ASCC3: variants seen among roughly 807,000 people sequenced by gnomAD.
ASCC3 encodes activating signal cointegrator 1 complex subunit 3, also known as ASC-1 complex subunit P200.
ASCC3 carries 158 observed loss-of-function variants against 256.3 expected under a neutral mutation model. That is an observed-to-expected ratio of 0.62 (90% confidence interval 0.54 to 0.70). The LOEUF (loss-of-function observed/expected upper bound fraction) is 0.70. Ranked by LOEUF, ASCC3 falls within the 30% of genes least tolerant of loss-of-function variation. ASCC3 has a pLI of 0.00. For synonymous variants in ASCC3, 948 were observed against 883.4 expected (o/e 1.07, Z -1.30); for missense variants, 2,259 against 2,626.0 (o/e 0.86, Z 3.05).
At chr6:100,610,565 T>C (rs1378497371) in intron 30 of ASCC3, among the ~76,000 whole-genome samples, 3 of 152,172 alleles carry the variant, frequency 2.0e-5, no homozygotes, top group African/African-American at 7.2e-5. Context: ...GGTGATATTT[T>C]AATGACATAC....
intron 10 of ASCC3, among the ~76,000 whole-genome samples, chr6:100,760,902 A>G (rs1781390791): frequency 6.6e-6 from 1 of 152,196 alleles, no homozygotes; most frequent in African/African-American, 2.4e-5. Context: ...AAAGGAGAAA[A>G]CATGACGGGT....
At chr6:100,574,478 G>T (rs1282095915) in intron 36 of ASCC3, among the ~76,000 whole-genome samples, 1 of 151,832 alleles carries the variant, frequency 6.6e-6, no homozygotes, top group South Asian at 2.1e-4. Flanking sequence ...GTGTCATCTT[G>T]GGCAAGGTTG....
At chr6:100,695,338 T>C (rs1234828619) in intron 13 of ASCC3, among the ~76,000 whole-genome samples, 7 of 152,090 alleles carry the variant, frequency 4.6e-5, no homozygotes, top group Admixed American at 3.9e-4. Flanking sequence ...ATAAAAGACA[T>C]TATTATTCCT....
At chr6:100,705,366 A>C (rs548827180) in intron 13 of ASCC3, among the ~76,000 whole-genome samples, 1 of 152,070 alleles carries the variant, frequency 6.6e-6, no homozygotes. Context: ...TTTTTGAACA[A>C]GAAATTTGTT....
intron 4 of ASCC3, among the ~76,000 whole-genome samples, chr6:100,840,890 G>A (rs1772111629): frequency 3.3e-5 from 5 of 151,700 alleles, no homozygotes. Context: ...AAAACGAGTT[G>A]TATAAAGAAT....
intron 36 of ASCC3, among the ~76,000 whole-genome samples, chr6:100,587,057 A>G (rs1391384401): frequency 1.3e-5 from 2 of 152,206 alleles, no homozygotes; most frequent in Non-Finnish European, 2.9e-5. Context: ...CAAAAACATA[A>G]TATGACTTTC....
chr6:100,536,720 C>T (rs1211059306), intron 37 of ASCC3, among the ~76,000 whole-genome samples: 3 of 152,142 alleles, frequency 2.0e-5, no homozygotes, highest in Non-Finnish European at 4.4e-5. Flanking sequence ...CCTGTCTTGG[C>T]CTCCCAAAGT....
intron 3 of ASCC3, among the ~76,000 whole-genome samples, chr6:100,850,552 T>C (rs1011176458): frequency 6.6e-6 from 1 of 152,226 alleles, no homozygotes; most frequent in Non-Finnish European, 1.5e-5. Flanking sequence ...ACCAGATTAG[T>C]ATTTTTATAC....
chr6:100,583,571 T>C lies in ASCC3; in HGVS notation c.5550+6063A>G, dbSNP rs146134360. Reference sequence around the variant, plus strand: ...ATTCATTAATTTTTTGAAAGGTTTTTTGTGTCTCTATTTCCTTGAGTTCTA... The same window carrying C: ...ATTCATTAATTTTTTGAAAGGTTTTCTGTGTCTCTATTTCCTTGAGTTCTA... On this transcript the variant is annotated intron_variant, in intron 36 of 41. Transcript: ENST00000369162. Among the ~76,000 whole-genome samples the C allele has an allele frequency of 2.8e-3, 425 of 152,338 alleles. 1 individual carries two copies. The highest frequency in any genetic ancestry group is 9.8e-3 in the African/African-American group (408 of 41,582).
chr6:100,679,211 T>TAA (rs36067632), intron 14 of ASCC3, among the ~76,000 whole-genome samples: 1,962 of 130,592 alleles, frequency 0.015, 37 homozygotes, highest in African/African-American at 0.053. Context: ...TTACATTGCT[T>TAA]AAAAAAAAAA....
intron 10 of ASCC3, among the ~76,000 whole-genome samples, chr6:100,735,725 T>C (rs1423123703): frequency 6.6e-6 from 1 of 152,186 alleles, no homozygotes; most frequent in Non-Finnish European, 1.5e-5. Flanking sequence ...ATAAGATCTC[T>C]ACATACATAC....
intron 27 of ASCC3, among the ~76,000 whole-genome samples, chr6:100,628,389 T>A (rs1031368006): frequency 6.6e-6 from 1 of 152,176 alleles, no homozygotes; most frequent in African/African-American, 2.4e-5. Context: ...TCAAAATTGC[T>A]AAATTGCAAA....
intron 10 of ASCC3, among the ~76,000 whole-genome samples, chr6:100,761,016 T>G (rs1339971757): frequency 6.6e-6 from 1 of 152,142 alleles, no homozygotes; most frequent in Non-Finnish European, 1.5e-5. Flanking sequence ...AAAAGAAATT[T>G]ACATCTAGGC....
At chr6:100,761,819 C>T (rs923479296) in intron 10 of ASCC3, among the ~76,000 whole-genome samples, 2 of 152,186 alleles carry the variant, frequency 1.3e-5, no homozygotes, top group South Asian at 2.1e-4. Flanking sequence ...GAGAACTAAA[C>T]AGTACATTTA....
intron 11 of ASCC3, among the ~76,000 whole-genome samples, chr6:100,721,972 C>A (rs971200711): frequency 6.6e-6 from 1 of 151,734 alleles, no homozygotes; most frequent in African/African-American, 2.4e-5. Flanking sequence ...TAAGATCTTA[C>A]ATTTAAATCT....
chr6:100,531,569 A>ATT (rs397936300), intron 37 of ASCC3, among the ~76,000 whole-genome samples: 15 of 149,290 alleles, frequency 1.0e-4, no homozygotes, highest in African/African-American at 2.7e-4. Context: ...TTTGGGGGGA[A>ATT]TTTTTTTTTT....
At chr6:100,659,318 T>G (rs770080777) in intron 16 of ASCC3, among the ~76,000 whole-genome samples, 2 of 151,482 alleles carry the variant, frequency 1.3e-5, no homozygotes, top group Non-Finnish European at 3.0e-5. Flanking sequence ...TTTCCACAGA[T>G]AGCCAAATTT....
chr6:100,531,206 T>G (rs118185582), intron 37 of ASCC3, among the ~76,000 whole-genome samples: 2,342 of 152,276 alleles, frequency 0.015, 25 homozygotes, highest in East Asian at 0.045. Flanking sequence ...TGGACCATAT[T>G]GTATTTCATT....
At chr6:100,682,460 C>T (rs1777353562) in intron 13 of ASCC3, among the ~76,000 whole-genome samples, 1 of 151,972 alleles carries the variant, frequency 6.6e-6, no homozygotes, top group Admixed American at 6.6e-5. Flanking sequence ...CATTAAAAAC[C>T]TGCACAATTT....
Sources: gnomAD v4.1 joint callset for allele counts (sites outside exome capture counted in the v4.1 genomes callset) on GRCh38, gnomAD v4.1.1 for gene constraint, MANE v1.5 for transcripts, NCBI Gene and HGNC (gene_info 2026-07-23, HGNC 2026-07-21) for gene names.